The following PCDHB13 variants were observed in gnomAD, a reference collection of about 807,000 sequenced individuals.
The protein encoded by PCDHB13 is protocadherin beta 13, also known as protocadherin beta-13.
For synonymous variants in PCDHB13, 515 were observed against 450.7 expected, an observed-to-expected ratio of 1.14 and a Z score of -1.81; for missense variants, 1,065 against 1,016.7, an observed-to-expected ratio of 1.05 and a Z score of -0.65.
Position 141,216,568 on chromosome 5 carries a change from C to A in PCDHB13, c.*48C>A, listed in dbSNP as rs781931229. On this transcript the variant is annotated 3_prime_UTR_variant, in exon 1 of 1. Coordinates refer to ENST00000341948, the MANE Select transcript of PCDHB13 (RefSeq NM_018933.4). The stretch of plus-strand genomic sequence containing the variant: ...ATAGGTATTTTATTTTGTGGCATTT[C>A]CATGCCAATGTTTATTTCCCCCAAT... The A allele has an allele frequency of 7.7e-6, 11 of 1,424,416 alleles. No individual in the cohort carries two copies. Among genetic ancestry groups the A allele is most frequent in the Non-Finnish European group, 1.1e-5 (11 of 1,006,762 alleles). The allele number at this position is 1,424,416 out of a possible 1,614,324, so 88.2% of individuals were successfully genotyped here.
In PCDHB13 at chr5:141,218,032, C is replaced by G. The variant is rs569158470; in HGVS notation, c.*1512C>G. Reference sequence around the variant, plus strand: ...CACTGTGATCTCCACTCACTGCAACCTCCACCTCCTGGGCTCAAGTGATCC... The same window carrying G: ...CACTGTGATCTCCACTCACTGCAACGTCCACCTCCTGGGCTCAAGTGATCC... On this transcript the variant is annotated 3_prime_UTR_variant, in exon 1 of 1. Coordinates refer to ENST00000341948, the MANE Select transcript of PCDHB13 (RefSeq NM_018933.4). 6.3e-6 allele frequency: 1 copy of G among 158,788 alleles called. No homozygotes were observed. The highest frequency in any genetic ancestry group is 2.4e-5 in the African/African-American group (1 of 41,478). The allele number at this position is 158,788 out of a possible 1,614,324, so 9.8% of individuals were successfully genotyped here.
Position 141,217,124 on chromosome 5 carries a change from A to G in PCDHB13, c.*604A>G, listed in dbSNP as rs1263879115. ...TGGAGAGGATTGTGCAGGCACATTA[A>G]TATTGTGACCAATCACAGAATCTGG... On this transcript the variant is annotated 3_prime_UTR_variant, in exon 1 of 1. Transcript: ENST00000341948. 5 of 168,082 alleles carry G rather than the reference A, an allele frequency of 3.0e-5. No homozygotes were observed. The Admixed American group carries it at 3.3e-4, about 11-fold the overall frequency. The allele number at this position is 168,082 out of a possible 1,614,324, so 10.4% of individuals were successfully genotyped here.
rs1554287560 is a variant in PCDHB13 at position 141,214,221 on chromosome 5, G to A, written c.98G>A (p.Ser33Asn). The change falls in exon 1 of 1, where the codon AGC (serine) becomes AAC (asparagine). Residue 33 changes from serine to asparagine, a missense_variant. Physicochemically the swap from Ser to Asn is conservative, Grantham distance 46. Transcript: ENST00000341948. Reference protein sequence around the residue: ...LSLAGAAEPRSYSVVEETEGS... With the variant: ...LSLAGAAEPRNYSVVEETEGS... ...CTGGCGGGCGCGGCGGAACCTAGAA[G>A]CTATTCTGTGGTGGAGGAAACTGAG... The A allele has an allele frequency of 6.2e-7, 1 of 1,606,246 alleles. No homozygotes were observed.
chr5:141,216,158 A>T lies in PCDHB13; in HGVS notation c.2035A>T (p.Thr679Ser). The T allele has an allele frequency of 6.2e-7, 1 of 1,611,658 alleles. No individual in the cohort carries two copies. Among genetic ancestry groups the T allele is most frequent in the East Asian group, 2.2e-5 (1 of 44,856 alleles). The part of the protein sequence containing the change: ...PYLPLPEAAP[T>S]QAQADLLTVY... Reference sequence around the variant, plus strand: ...CCTGCCTCTCCCGGAGGCGGCCCCGACCCAGGCCCAGGCCGACTTGCTCAC... The same window carrying T: ...CCTGCCTCTCCCGGAGGCGGCCCCGTCCCAGGCCCAGGCCGACTTGCTCAC... The change falls in exon 1 of 1, where the codon ACC becomes TCC. Residue 679 changes from threonine to serine, a missense_variant. By Grantham distance (58) the Thr-to-Ser change is moderately conservative. Coordinates refer to ENST00000341948, the MANE Select transcript of PCDHB13 (RefSeq NM_018933.4).
At position 141,216,294 on chromosome 5, in the gene PCDHB13, G is replaced by A; in HGVS notation, c.2171G>A (p.Arg724His). ...CRRSRAASVG[R>H]CLVPEGPLPG... ...AGGAGCAGGGCGGCCTCGGTGGGTC[G>A]CTGCTTGGTGCCCGAGGGCCCCCTT... is the stretch of plus-strand genomic sequence containing the variant. Residue 724 changes from arginine to histidine, a missense_variant, in exon 1 of 1, where the codon CGC becomes CAC. Arg to His is a conservative substitution (Grantham distance 29). Transcript: ENST00000341948. 3.7e-6 allele frequency: 6 copies of A among 1,613,774 alleles called. No individual in the cohort carries two copies. Among genetic ancestry groups the A allele is most frequent in the South Asian group, 1.1e-5 (1 of 91,056 alleles).
In PCDHB13 at chr5:141,216,441, A is replaced by T; in HGVS notation, c.2318A>T (p.Asn773Ile). The T allele has an allele frequency of 6.2e-7, 1 of 1,613,702 alleles. No individual in the cohort carries two copies. The highest frequency in any genetic ancestry group is 8.5e-7 in the Non-Finnish European group (1 of 1,179,922). Residue 773 changes from asparagine (N) to isoleucine (I), a missense_variant, in exon 1 of 1, where the codon AAC (asparagine) becomes ATC (isoleucine). Asn to Ile is a moderately radical substitution (Grantham distance 149). Coordinates refer to ENST00000341948, the MANE Select transcript of PCDHB13 (RefSeq NM_018933.4). ...EFKFLKPIIP[N>I]FPPQCPGKEI... ...AAGTTCCTGAAGCCGATTATCCCCA[A>T]CTTCCCTCCCCAGTGCCCTGGGAAA...
In PCDHB13 at chr5:141,214,566, C is replaced by G. The variant is rs782193104; in HGVS notation, c.443C>G (p.Pro148Arg). ...TTGGTGAAAGTATCAGAGAGCAGTC[C>G]TCCTGGGACTACGTTTCCTCTGAAG... ...QMLVKVSESS[P>R]PGTTFPLKNA... is the part of the protein sequence containing the mutation. The change falls in exon 1 of 1, where the codon CCT becomes CGT. Residue 148 changes from proline (P) to arginine (R), a missense_variant. Transcript: ENST00000341948. The G allele has an allele frequency of 2.5e-6, 4 of 1,614,122 alleles. No individual in the cohort carries two copies. The highest frequency in any genetic ancestry group is 3.3e-5 in the Admixed American group (2 of 60,024).
In PCDHB13 at chr5:141,215,409, C is replaced by G; in HGVS notation, c.1286C>G (p.Pro429Arg). 6.2e-7 allele frequency: 1 copy of G among 1,614,172 alleles called. No individual in the cohort carries two copies. The highest frequency in any genetic ancestry group is 8.5e-7 in the Non-Finnish European group (1 of 1,180,038). The change falls in exon 1 of 1, where the codon CCT becomes CGT. Residue 429 changes from proline (P) to arginine (R), a missense_variant. By Grantham distance (103) the Pro-to-Arg change is moderately radical (BLOSUM62 -2). Transcript: ENST00000341948. ...ITITVTDLGT[P>R]MLITQLNMTV... ...ATCACTGTCACTGACTTGGGGACCC[C>G]TATGCTGATAACACAGCTCAATATG...
Position 141,216,249 on chromosome 5 carries a change from T to G in PCDHB13, c.2126T>G (p.Val709Gly). 1 of 1,613,510 alleles carries G rather than the reference T, an allele frequency of 6.2e-7. No homozygotes were observed. Among genetic ancestry groups the G allele is most frequent in the Non-Finnish European group, 8.5e-7 (1 of 1,179,968 alleles). ...TTCCTCTTTTCGGTGCTCCTGTTCG[T>G]GGCGGTGCGGCTGTGTAGGAGGAGC... ...SLFLFSVLLF[V>G]AVRLCRRSRA... The change falls in exon 1 of 1, where the codon GTG (valine) becomes GGG (glycine). Residue 709 changes from valine (V) to glycine (G), a missense_variant. Val to Gly is a moderately radical substitution (Grantham distance 109). Transcript: ENST00000341948.
In PCDHB13 at chr5:141,214,384, A is replaced by C. The variant is rs1754524934; in HGVS notation, c.261A>C (p.Leu87=). ...ATCAGGAGACCGCGGATTTGTTGCTAAATGAGAAATTGGACCGTGAGGATC... is the reference window on the plus strand; with the variant it reads ...ATCAGGAGACCGCGGATTTGTTGCTCAATGAGAAATTGGACCGTGAGGATC... ...QLNQETADLL[L]NEKLDREDLC... The change falls in exon 1 of 1, where the codon CTA becomes CTC. Residue 87 remains leucine (L), a synonymous_variant. Coordinates refer to ENST00000341948, the MANE Select transcript of PCDHB13 (RefSeq NM_018933.4). 7.1e-7 allele frequency: 1 copy of C among 1,406,730 alleles called. No homozygotes were observed. The highest frequency in any genetic ancestry group is 1.5e-5 in the African/African-American group (1 of 68,408). 87.1% of individuals were successfully genotyped at this position (1,406,730 alleles called of 1,614,324 possible). A position where few individuals can be genotyped will look rare whatever the true frequency, so the allele number is the denominator to read the frequency against.
In PCDHB13 at chr5:141,214,217, A is replaced by G. The variant is rs1554287559; in HGVS notation, c.94A>G (p.Arg32Gly). 6.2e-7 allele frequency: 1 copy of G among 1,606,802 alleles called. No homozygotes were observed. Among genetic ancestry groups the G allele is most frequent in the Admixed American group, 1.7e-5 (1 of 59,642 alleles). ...ATCTCTGGCGGGCGCGGCGGAACCT[A>G]GAAGCTATTCTGTGGTGGAGGAAAC... ...GLSLAGAAEP[R>G]SYSVVEETEG... The change falls in exon 1 of 1, where the codon AGA becomes GGA. Residue 32 changes from arginine (R) to glycine (G), a missense_variant. Physicochemically the swap from Arg to Gly is moderately radical, Grantham distance 125 (BLOSUM62 -2). Coordinates refer to ENST00000341948, the MANE Select transcript of PCDHB13 (RefSeq NM_018933.4).
In PCDHB13 at chr5:141,216,526, G is replaced by A. The variant is rs1488006528; in HGVS notation, c.*6G>A. 1 of 1,604,892 alleles carries A rather than the reference G, an allele frequency of 6.2e-7. No homozygotes were observed. The highest frequency in any genetic ancestry group is 1.3e-5 in the African/African-American group (1 of 74,734). ...TTGGGTTCAATATTCAGTGACCATA[G>A]TTGACTTTTACATTCCATAGGTATT... On this transcript the variant is annotated 3_prime_UTR_variant, in exon 1 of 1. Coordinates refer to ENST00000341948, the MANE Select transcript of PCDHB13 (RefSeq NM_018933.4).
rs1554287592 is a variant in PCDHB13, at chr5:141,214,353, A to G, written c.230A>G (p.Gln77Arg). 1 of 1,386,662 alleles carries G rather than the reference A, an allele frequency of 7.2e-7. No individual in the cohort carries two copies. The highest frequency in any genetic ancestry group is 1.2e-5 in the South Asian group (1 of 83,420). The allele number at this position is 1,386,662 out of a possible 1,614,324, so 85.9% of individuals were successfully genotyped here. Residue 77 changes from glutamine to arginine, a missense_variant, in exon 1 of 1, where the codon CAG (glutamine) becomes CGG (arginine). By Grantham distance (43) the Gln-to-Arg change is conservative. Coordinates refer to ENST00000341948, the MANE Select transcript of PCDHB13 (RefSeq NM_018933.4). ...VVSRGNKLHL[Q>R]LNQETADLLL... ...TCCAGAGGGAACAAACTACATTTGC[A>G]GCTCAATCAGGAGACCGCGGATTTG... is the stretch of plus-strand genomic sequence containing the variant.
In PCDHB13 at chr5:141,216,001, C is replaced by T. The variant is rs1231448576; in HGVS notation, c.1878C>T (p.Thr626=). 8 of 1,606,956 alleles carry T rather than the reference C, an allele frequency of 5.0e-6. No individual in the cohort carries two copies. The Admixed American group carries it at 5.0e-5, about 10-fold the overall frequency. Residue 626 remains threonine (T), a synonymous_variant, in exon 1 of 1, where the codon ACC becomes ACT. Coordinates refer to ENST00000341948, the MANE Select transcript of PCDHB13 (RefSeq NM_018933.4). Reference sequence around the variant, plus strand: ...GGGCGCACAATGGCGAGGTGCGCACCGCCAGGCTGCTGAGCGAGCGCGACG... The same window carrying T: ...GGGCGCACAATGGCGAGGTGCGCACTGCCAGGCTGCTGAGCGAGCGCGACG... The part of the protein sequence containing the change: ...GVWAHNGEVR[T]ARLLSERDAA...
rs1554288104 is a variant in PCDHB13 at position 141,216,103 on chromosome 5, G to A, written c.1980G>A (p.Val660=). 16 of 1,608,434 alleles carry A rather than the reference G, an allele frequency of 9.9e-6. No homozygotes were observed. Among genetic ancestry groups the A allele is most frequent in the Non-Finnish European group, 1.4e-5 (16 of 1,179,698 alleles). The change falls in exon 1 of 1, where the codon GTG becomes GTA. Residue 660 remains valine (V), a synonymous_variant. Coordinates refer to ENST00000341948, the MANE Select transcript of PCDHB13 (RefSeq NM_018933.4). ...PPRSATATLH[V]LLVDGFSQPY... ...GCTCGGCCACCGCCACGCTGCACGT[G>A]CTCCTGGTGGACGGCTTCTCCCAGC...
Position 141,216,301 on chromosome 5 carries a change from G to A in PCDHB13, c.2178G>A (p.Leu726=), listed in dbSNP as rs782312255. Residue 726 remains leucine, a synonymous_variant, in exon 1 of 1, where the codon TTG becomes TTA. Coordinates refer to ENST00000341948, the MANE Select transcript of PCDHB13 (RefSeq NM_018933.4). ...RSRAASVGRC[L]VPEGPLPGHL... ...GGGCGGCCTCGGTGGGTCGCTGCTT[G>A]GTGCCCGAGGGCCCCCTTCCAGGGC... 1.2e-6 allele frequency: 2 copies of A among 1,613,878 alleles called. No individual in the cohort carries two copies. The highest frequency in any genetic ancestry group is 1.7e-6 in the Non-Finnish European group (2 of 1,179,960).
Position 141,215,839 on chromosome 5 carries a change from C to A in PCDHB13, c.1716C>A (p.Cys572Ter). 2 of 1,609,512 alleles carry A rather than the reference C, an allele frequency of 1.2e-6. No homozygotes were observed. Among genetic ancestry groups the A allele is most frequent in the Non-Finnish European group, 1.7e-6 (2 of 1,179,156 alleles). The change falls in exon 1 of 1, where the codon TGC becomes TGA. Residue 572 changes from cysteine (C) to a stop codon, truncating the protein, a stop_gained. Coordinates refer to ENST00000341948, the MANE Select transcript of PCDHB13 (RefSeq NM_018933.4). LOFTEE classifies it low-confidence loss of function (END_TRUNC). ...LYPLQNGSAP[C>*]TELVPRAAEP... ...CGCTGCAGAACGGCTCCGCGCCCTG[C>A]ACCGAGCTGGTGCCCCGGGCGGCCG...
chr5:141,215,948 G>A lies in PCDHB13; in HGVS notation c.1825G>A (p.Ala609Thr). The A allele has an allele frequency of 1.2e-6, 2 of 1,607,536 alleles. No individual in the cohort carries two copies. Among genetic ancestry groups the A allele is most frequent in the South Asian group, 1.1e-5 (1 of 90,910 alleles). ...NAWLSYQLLK[A>T]TELGLFGVWA... The stretch of plus-strand genomic sequence containing the variant: ...CTGGCTGTCGTACCAGCTGCTCAAG[G>A]CCACGGAGCTCGGTCTGTTCGGCGT... The change falls in exon 1 of 1, where the codon GCC (alanine) becomes ACC (threonine). Residue 609 changes from alanine (A) to threonine (T), a missense_variant. Physicochemically the swap from Ala to Thr is moderately conservative, Grantham distance 58 (BLOSUM62 0). Coordinates refer to ENST00000341948, the MANE Select transcript of PCDHB13 (RefSeq NM_018933.4).
chr5:141,214,543 G>A lies in PCDHB13; in HGVS notation c.420G>A (p.Leu140=), dbSNP rs372455193. 3.5e-5 allele frequency: 56 copies of A among 1,613,968 alleles called. No homozygotes were observed. In the African/African-American group the frequency reaches 6.8e-4, roughly 20 times the overall value. Residue 140 remains leucine (L), a synonymous_variant, in exon 1 of 1, where the codon TTG becomes TTA. Transcript: ENST00000341948. ...HSPVFLDKQM[L]VKVSESSPPG... is the part of the protein sequence containing the mutation. Reference sequence around the variant, plus strand: ...CAGTATTTCTGGACAAACAAATGTTGGTGAAAGTATCAGAGAGCAGTCCTC... The same window carrying A: ...CAGTATTTCTGGACAAACAAATGTTAGTGAAAGTATCAGAGAGCAGTCCTC...
Sources: gnomAD v4.1 joint callset for allele counts on GRCh38, gnomAD v4.1.1 for gene constraint, MANE v1.5 for transcripts, NCBI Gene and HGNC (gene_info 2026-07-23, HGNC 2026-07-21) for gene names.